The following SLC24A3 variants were observed in gnomAD, a reference collection of about 807,000 sequenced individuals.
SLC24A3 encodes the protein sodium/potassium/calcium exchanger 3.
In SLC24A3, 28 loss-of-function variants were observed where a neutral mutation model predicts 75.8. The observed-to-expected ratio is 0.37, with a 90% CI of 0.27 to 0.51. The LOEUF is 0.51. SLC24A3 is among the 20% of genes least tolerant of loss of function. SLC24A3 has a pLI of 0.94. For synonymous variants in SLC24A3, 372 were observed against 334.1 expected (o/e 1.11, Z -1.24); for missense variants, 663 against 847.8 (o/e 0.78, Z 2.71).
At chr20:19,337,544 T>C (rs1985164453) in intron 2 of SLC24A3, among the ~76,000 whole-genome samples, 1 of 152,218 alleles carries the variant, frequency 6.6e-6, no homozygotes, top group Non-Finnish European at 1.5e-5. Context: ...GTAAATAAGA[T>C]GATGGACTTG....
At chr20:19,548,865 A>G (rs980642745) in intron 3 of SLC24A3, among the ~76,000 whole-genome samples, 5 of 152,240 alleles carry the variant, frequency 3.3e-5, no homozygotes, top group Non-Finnish European at 7.3e-5. Flanking sequence ...GCCTACCACA[A>G]ATGCCTAAAT....
At chr20:19,546,629 G>T (rs142556857) in intron 3 of SLC24A3, among the ~76,000 whole-genome samples, 98 of 152,304 alleles carry the variant, frequency 6.4e-4, no homozygotes, top group Non-Finnish European at 1.1e-3. Context: ...GGGAAAGGGG[G>T]TGGGGGGCAG....
chr20:19,285,477 CAAAAAAAAAA>C (rs35866612), intron 2 of SLC24A3, among the ~76,000 whole-genome samples: 9 of 43,040 alleles, frequency 2.1e-4, no homozygotes, highest in East Asian at 8.6e-4. Context: ...GACCCTGTCT[CAAAAAAAAAA>C]AAAAAAAAAA....
Position 19,537,098 on chromosome 20 carries a change from A to C in SLC24A3, c.348+21534A>C, listed in dbSNP as rs535791237. ...ATCAGAGTGAACAGGCAACCTACAGAATGGGAGAAAATTTTTGCAACCTAC... is the reference window on the plus strand; with the variant it reads ...ATCAGAGTGAACAGGCAACCTACAGCATGGGAGAAAATTTTTGCAACCTAC... On this transcript the variant is annotated intron_variant, in intron 3 of 16. Transcript: ENST00000328041. Among the ~76,000 whole-genome samples the C allele has an allele frequency of 4.1e-3, 617 of 152,342 alleles. 2 individuals are homozygous for C. The highest frequency in any genetic ancestry group is 6.7e-3 in the Non-Finnish European group (458 of 68,030).
At chr20:19,702,822 G>A (rs191143616) in intron 15 of SLC24A3, among the ~76,000 whole-genome samples, 24 of 152,248 alleles carry the variant, frequency 1.6e-4, no homozygotes, top group Middle Eastern at 3.4e-3. Flanking sequence ...TTTCAGCACC[G>A]TCTGTTGAAA....
At chr20:19,704,908 C>G (rs2032912528) in intron 15 of SLC24A3, among the ~76,000 whole-genome samples, 1 of 152,108 alleles carries the variant, frequency 6.6e-6, no homozygotes, top group Admixed American at 6.6e-5. Flanking sequence ...TAGCTCAGTT[C>G]TGCAGATTAG....
At chr20:19,360,275 T>TC (rs1985762687) in intron 2 of SLC24A3, among the ~76,000 whole-genome samples, 1 of 152,234 alleles carries the variant, frequency 6.6e-6, no homozygotes, top group Non-Finnish European at 1.5e-5. Context: ...ACTGATCCTG[T>TC]CGATGTCTGT....
At chr20:19,565,403 C>G (rs372716628) in intron 3 of SLC24A3, among the ~76,000 whole-genome samples, 1 of 84,740 alleles carries the variant, frequency 1.2e-5, no homozygotes, top group Non-Finnish European at 3.0e-5. Flanking sequence ...TTTGTGTTCT[C>G]GGGGGGTGGG....
At chr20:19,632,452 C>T (rs1219403413) in intron 6 of SLC24A3, among the ~76,000 whole-genome samples, 2 of 152,236 alleles carry the variant, frequency 1.3e-5, no homozygotes, top group Admixed American at 1.3e-4. Context: ...ATCACTCCAC[C>T]CTCTTGTTTC....
chr20:19,601,760 T>C (rs2031530053), intron 6 of SLC24A3, among the ~76,000 whole-genome samples: 1 of 152,250 alleles, frequency 6.6e-6, no homozygotes. Context: ...GCCTCTCAGC[T>C]GGCTCTGGTC....
At chr20:19,357,287 C>T (rs577982111) in intron 2 of SLC24A3, among the ~76,000 whole-genome samples, 9 of 152,192 alleles carry the variant, frequency 5.9e-5, no homozygotes, top group Admixed American at 3.9e-4. Flanking sequence ...CTGACACCTT[C>T]GGTTTGGACT....
At chr20:19,373,288 G>A (rs1243834918) in intron 2 of SLC24A3, among the ~76,000 whole-genome samples, 1 of 152,178 alleles carries the variant, frequency 6.6e-6, no homozygotes, top group Non-Finnish European at 1.5e-5. Context: ...TCTCTCGGAG[G>A]CCCTTCCTTG....
chr20:19,532,066 G>T (rs1478923144), intron 3 of SLC24A3, among the ~76,000 whole-genome samples: 1 of 152,216 alleles, frequency 6.6e-6, no homozygotes, highest in African/African-American at 2.4e-5. Context: ...GTGGTGGGGA[G>T]GGCAGCCCTC....
At chr20:19,226,893 T>C (rs1981884763) in intron 1 of SLC24A3, among the ~76,000 whole-genome samples, 1 of 152,200 alleles carries the variant, frequency 6.6e-6, no homozygotes, top group Admixed American at 6.5e-5. Context: ...AGGGTTCCAT[T>C]TGAGATCCAT....
intron 3 of SLC24A3, among the ~76,000 whole-genome samples, chr20:19,533,969 A>C (rs2030349616): frequency 6.6e-6 from 1 of 152,232 alleles, no homozygotes; most frequent in African/African-American, 2.4e-5. Flanking sequence ...CTGAGCAACA[A>C]GGCTGCATAA....
In SLC24A3 at chr20:19,529,286, G is replaced by A. The variant is rs2030252457; in HGVS notation, c.348+13722G>A. ...ATAGAGTCTGAACGTAGTTTGAAATGGAGCTATGAGGTTTTAGAAGACAAA... is the reference window on the plus strand; with the variant it reads ...ATAGAGTCTGAACGTAGTTTGAAATAGAGCTATGAGGTTTTAGAAGACAAA... On this transcript the variant is annotated intron_variant, in intron 3 of 16. Coordinates refer to ENST00000328041, the MANE Select transcript of SLC24A3 (RefSeq NM_020689.4). Among the ~76,000 whole-genome samples, 3 of 152,122 alleles carry A rather than the reference G, an allele frequency of 2.0e-5. No individual in the cohort carries two copies. In the South Asian group the frequency reaches 6.2e-4, roughly 32 times the overall value.
At chr20:19,283,836 G>C (rs1436459206) in intron 2 of SLC24A3, among the ~76,000 whole-genome samples, 2 of 152,168 alleles carry the variant, frequency 1.3e-5, no homozygotes, top group Admixed American at 6.5e-5. Context: ...GAGTGTATTC[G>C]TGAATTTCCC....
chr20:19,386,988 T>C (rs1029235682), intron 2 of SLC24A3, among the ~76,000 whole-genome samples: 1 of 152,154 alleles, frequency 6.6e-6, no homozygotes, highest in East Asian at 1.9e-4. Flanking sequence ...CTTTTCTTTA[T>C]TGGGAATTTT....
At chr20:19,597,978 G>T (rs1044154350) in intron 6 of SLC24A3, among the ~76,000 whole-genome samples, 3 of 152,192 alleles carry the variant, frequency 2.0e-5, no homozygotes, top group Non-Finnish European at 2.9e-5. Context: ...CATTCGTGGA[G>T]ACTTAGGTTG....
Sources: gnomAD v4.1 joint callset for allele counts (sites outside exome capture counted in the v4.1 genomes callset) on GRCh38, gnomAD v4.1.1 for gene constraint, MANE v1.5 for transcripts, NCBI Gene and HGNC (gene_info 2026-07-23, HGNC 2026-07-21) for gene names.